The following APBA2 variants were observed in gnomAD, a reference collection of about 807,000 sequenced individuals.
The protein encoded by APBA2 is amyloid-beta A4 precursor protein-binding family A member 2.
A neutral mutation model predicts 75.0 loss-of-function variants in APBA2; 30 were observed. The ratio of observed to expected loss-of-function variants is 0.40; its 90% CI spans 0.30 to 0.54. The LOEUF (loss-of-function observed/expected upper bound fraction) is 0.54, where lower values mean the gene tolerates loss of function less well. APBA2 is among the 20% of genes least tolerant of loss of function. APBA2 has a pLI of 0.49. For synonymous variants in APBA2, 444 were observed against 409.6 expected (o/e 1.08, Z -1.01); for missense variants, 801 against 1,016.1 (o/e 0.79, Z 2.88).
Position 28,951,582 on chromosome 15 carries a change from T to TA in APBA2, c.-95+29833_-95+29834insA, listed in dbSNP as rs1429659631. Among the ~76,000 whole-genome samples, 3 of 151,782 alleles carry TA rather than the reference T, an allele frequency of 2.0e-5. No homozygotes were observed. The East Asian group carries it at 5.8e-4, about 29-fold the overall frequency. On this transcript the variant is annotated intron_variant, in intron 2 of 14. Coordinates refer to ENST00000683413, the MANE Select transcript of APBA2 (RefSeq NM_001353788.2). ...GTATACATATGTATCTCCCATAGTT[T>TA]TTTTTTATTTTTTTATTTTTTGAGA...
intron 3 of APBA2, among the ~76,000 whole-genome samples, chr15:29,002,734 G>A (rs533761114): frequency 1.3e-5 from 2 of 152,070 alleles, no homozygotes; most frequent in African/African-American, 4.8e-5. Flanking sequence ...GGGTTAATGC[G>A]AGGCTGGAAA....
chr15:28,964,974 G>T (rs73368736), intron 2 of APBA2, among the ~76,000 whole-genome samples: 3,822 of 151,984 alleles, frequency 0.025, 161 homozygotes, highest in East Asian at 0.17. Flanking sequence ...TTTTGAGGAG[G>T]TCAAAGTTTT....
intron 1 of APBA2, among the ~76,000 whole-genome samples, chr15:28,895,865 A>G (rs1186498304): frequency 6.6e-6 from 1 of 152,164 alleles, no homozygotes; most frequent in African/African-American, 2.4e-5. Flanking sequence ...TAATCCCAGC[A>G]CTTTGGGAAG....
intron 4 of APBA2, among the ~76,000 whole-genome samples, chr15:29,067,533 G>A (rs191696633): frequency 6.6e-6 from 1 of 152,286 alleles, no homozygotes; most frequent in East Asian, 1.9e-4. Flanking sequence ...TATGGGTCAT[G>A]ATCCCGCCTT....
In APBA2 at chr15:29,054,512, T is replaced by G; in HGVS notation, c.628T>G (p.Tyr210Asp). The G allele has an allele frequency of 6.2e-7, 1 of 1,613,494 alleles. No homozygotes were observed. The highest frequency in any genetic ancestry group is 1.3e-5 in the African/African-American group (1 of 75,040). The change falls in exon 4 of 15, where the codon TAC becomes GAC. Residue 210 changes from tyrosine (Y) to aspartate (D), a missense_variant. Around this residue, in one of 2 missense-constraint regions of APBA2, gnomAD observed 434 missense variants for 471.6 expected, o/e 0.92. Transcript: ENST00000683413. The surrounding 1 kb of genome is among the most constrained non-coding windows in gnomAD (Gnocchi z 6.1). ...EANGNTGASP[Y>D]RLRRGDGDLE... ...CAACGGGAACACCGGCGCCTCCCCC[T>G]ACCGCCTGAGGCGTGGGGATGGGGA...
At position 29,113,938 on chromosome 15, in the gene APBA2, C is replaced by T; in HGVS notation, c.2100C>T (p.Ile700=). The T allele has an allele frequency of 6.2e-7, 1 of 1,613,566 alleles. No homozygotes were observed. The highest frequency in any genetic ancestry group is 8.5e-7 in the Non-Finnish European group (1 of 1,180,038). Residue 700 remains isoleucine, a synonymous_variant, in exon 14 of 15, where the codon ATC becomes ATT. Transcript: ENST00000683413. The part of the protein sequence containing the change: ...ERGGVRVGHR[I]IEINGQSVVA... ...GGGGCGTCCGTGTGGGCCACCGCAT[C>T]ATCGAGATCAACGGGCAGAGCGTGG...
rs1362705807 is a variant in APBA2 at position 29,106,623 on chromosome 15, A to T, written c.1721A>T (p.His574Leu). Residue 574 changes from histidine to leucine, a missense_variant, in exon 12 of 15, where the codon CAC (histidine) becomes CTC (leucine). Around this residue, in one of 2 missense-constraint regions of APBA2, gnomAD observed 367 missense variants for 544.5 expected, o/e 0.67. Coordinates refer to ENST00000683413, the MANE Select transcript of APBA2 (RefSeq NM_001353788.2). Reference sequence around the variant, plus strand: ...CCTTTGCAGCTGCAGCTGGAGAAGCACAAGGGCGAGATCCTGGGCGTGGTG... The same window carrying T: ...CCTTTGCAGCTGCAGCTGGAGAAGCTCAAGGGCGAGATCCTGGGCGTGGTG... ...ENCKELQLEK[H>L]KGEILGVVVV... 17 of 1,613,060 alleles carry T rather than the reference A, an allele frequency of 1.1e-5. No individual in the cohort carries two copies. Among genetic ancestry groups the T allele is most frequent in the Non-Finnish European group, 1.4e-5 (17 of 1,180,010 alleles).
intron 9 of APBA2, among the ~76,000 whole-genome samples, chr15:29,099,219 C>T (rs567338788): frequency 9.8e-5 from 15 of 152,314 alleles, no homozygotes; most frequent in South Asian, 6.2e-4. Flanking sequence ...ACCAACCCTC[C>T]GAGCCCCATG....
intron 3 of APBA2, among the ~76,000 whole-genome samples, chr15:29,000,797 G>A (rs556208747): frequency 1.3e-3 from 204 of 152,202 alleles, no homozygotes; most frequent in African/African-American, 4.8e-3. Flanking sequence ...ATTTTGCCAT[G>A]TTGACCAGGC....
chr15:28,986,035 G>T (rs2037908671), intron 2 of APBA2, among the ~76,000 whole-genome samples: 1 of 152,136 alleles, frequency 6.6e-6, no homozygotes, highest in Non-Finnish European at 1.5e-5. Context: ...TGCTTGTTTG[G>T]CCTAAAAAAG....
chr15:29,031,795 C>T (rs926639600), intron 3 of APBA2, among the ~76,000 whole-genome samples: 3 of 152,196 alleles, frequency 2.0e-5, no homozygotes, highest in Non-Finnish European at 1.5e-5. Flanking sequence ...TTGCTAGCTA[C>T]AGAGCGCTGA....
At chr15:28,905,903 T>C (rs2033109061) in intron 1 of APBA2, among the ~76,000 whole-genome samples, 1 of 152,200 alleles carries the variant, frequency 6.6e-6, no homozygotes, top group South Asian at 2.1e-4. Flanking sequence ...GCTCGAACTT[T>C]ACAGAAATGC....
intron 1 of APBA2, among the ~76,000 whole-genome samples, chr15:28,910,477 G>A (rs2033378713): frequency 6.6e-6 from 1 of 152,208 alleles, no homozygotes; most frequent in African/African-American, 2.4e-5. Flanking sequence ...GATGGGACCA[G>A]CATTTTTCAG....
chr15:28,905,638 G>A (rs531642422), intron 1 of APBA2, among the ~76,000 whole-genome samples: 1 of 152,128 alleles, frequency 6.6e-6, no homozygotes, highest in Non-Finnish European at 1.5e-5. Flanking sequence ...CAATCCTCCC[G>A]CCTCAGTCTC....
intron 14 of APBA2, among the ~76,000 whole-genome samples, chr15:29,114,287 A>G (rs2152984442): frequency 6.6e-6 from 1 of 152,352 alleles, no homozygotes; most frequent in East Asian, 1.9e-4. Context: ...TGTCCAGTTC[A>G]GAAGCTCTGC....
At chr15:29,078,033 AC>A (rs1484495771) in intron 6 of APBA2, among the ~76,000 whole-genome samples, 6 of 152,218 alleles carry the variant, frequency 3.9e-5, no homozygotes, top group Non-Finnish European at 7.3e-5. Context: ...GTGGTGGCTC[AC>A]GCCTGTAATC....
intron 13 of APBA2, among the ~76,000 whole-genome samples, chr15:29,109,751 C>G (rs934120363): frequency 1.6e-4 from 24 of 152,228 alleles, no homozygotes; most frequent in African/African-American, 4.8e-4. Context: ...TGCTGTGTGA[C>G]CCTCAACAAG....
At chr15:29,063,131 A>C (rs55813238) in intron 4 of APBA2, among the ~76,000 whole-genome samples, 3 of 53,052 alleles carry the variant, frequency 5.7e-5, no homozygotes, top group Admixed American at 2.5e-4. Context: ...ATGGGTGGGG[A>C]GGGGAGTTGA....
chr15:29,094,618 T>G (rs1160081436), intron 8 of APBA2, among the ~76,000 whole-genome samples: 1 of 152,260 alleles, frequency 6.6e-6, no homozygotes, highest in Non-Finnish European at 1.5e-5. Context: ...TGACATTTAG[T>G]TGATATGACA....
Sources: gnomAD v4.1 joint callset for allele counts (sites outside exome capture counted in the v4.1 genomes callset) on GRCh38, gnomAD v4.1.1 for gene constraint, gnomAD v4.1.1 regional missense constraint, Gnocchi (gnomAD v3.1) non-coding constraint, MANE v1.5 for transcripts, NCBI Gene and HGNC (gene_info 2026-07-23, HGNC 2026-07-21) for gene names.